RARB: variants seen among roughly 807,000 people sequenced by gnomAD.
RARB encodes HBV-activated protein.
In RARB, 17 loss-of-function variants were observed where a neutral mutation model predicts 51.9. The observed-to-expected ratio is 0.33, with a 90% confidence interval of 0.22 to 0.49. The LOEUF (loss-of-function observed/expected upper bound fraction) is 0.49, where lower values mean the gene tolerates loss of function less well. RARB is among the 20% of genes least tolerant of loss of function. The pLI is 0.99. For synonymous variants in RARB, 215 were observed against 195.4 expected (o/e 1.10, Z -0.84); for missense variants, 369 against 550.8 (o/e 0.67, Z 3.30).
chr3:25,131,188 G>A (rs1037470586), intron 3 of RARB, among the ~76,000 whole-genome samples: 1 of 151,900 alleles, frequency 6.6e-6, no homozygotes, highest in African/African-American at 2.4e-5. Context: ...GCAGAGTGAG[G>A]TGCCTACGGA....
chr3:25,573,662 C>T (rs1700803112), intron 4 of RARB, among the ~76,000 whole-genome samples: 1 of 152,220 alleles, frequency 6.6e-6, no homozygotes, highest in Non-Finnish European at 1.5e-5. Context: ...TCTCTGCAAG[C>T]TCTTAGTTCG....
At chr3:25,194,005 C>CT (rs1308434519) in intron 5 of RARB, among the ~76,000 whole-genome samples, 5 of 151,690 alleles carry the variant, frequency 3.3e-5, no homozygotes, top group African/African-American at 1.2e-4. Flanking sequence ...CGGAAGCAGC[C>CT]TAGGTGTCCA....
chr3:25,168,751 A>G (rs1289127383), intron 4 of RARB, among the ~76,000 whole-genome samples: 1 of 152,242 alleles, frequency 6.6e-6, no homozygotes, highest in African/African-American at 2.4e-5. Context: ...GAGACAATCA[A>G]TTCTGAAGGT....
intron 1 of RARB, among the ~76,000 whole-genome samples, chr3:25,444,525 A>G (rs1373771972): frequency 6.6e-6 from 1 of 152,208 alleles, no homozygotes; most frequent in Admixed American, 6.5e-5. Context: ...AGATGTATAC[A>G]CTTCCAAGTG....
At chr3:25,159,233 G>A (rs1277246079) in intron 4 of RARB, among the ~76,000 whole-genome samples, 2 of 136,200 alleles carry the variant, frequency 1.5e-5, no homozygotes, top group Admixed American at 8.5e-5. Flanking sequence ...GCGCGATCTC[G>A]GCTCACCACA....
chr3:25,511,810 A>T (rs1697909047), intron 3 of RARB, among the ~76,000 whole-genome samples: 1 of 152,124 alleles, frequency 6.6e-6, no homozygotes. Flanking sequence ...CAACTTGAGG[A>T]TGGGAAGGAG....
At chr3:25,495,238 G>A (rs1696965549) in intron 2 of RARB, among the ~76,000 whole-genome samples, 1 of 152,188 alleles carries the variant, frequency 6.6e-6, no homozygotes, top group South Asian at 2.1e-4. Flanking sequence ...AATAGTTTGA[G>A]GGTATCAGAG....
chr3:25,259,445 C>T lies in RARB; in HGVS notation c.178+84870C>T, dbSNP rs565958437. Among the ~76,000 whole-genome samples, 69 of 152,252 alleles carry T rather than the reference C, an allele frequency of 4.5e-4. 1 individual carries two copies. The South Asian group carries it at 0.013, about 30-fold the overall frequency. On this transcript the variant is annotated intron_variant, in intron 5 of 11. Coordinates refer to the RARB transcript ENST00000383772. ...TGTTGACCTGGTGAATAAAAATCTT[C>T]TGTATAATTCTCCATTCTCTCTTCC...
rs1425786594 is a variant in RARB at position 24,860,633 on chromosome 3, A to T, written c.-380+1881A>T. Reference sequence around the variant, plus strand: ...TGAGGCATGCTGATTGAAGAAAAAAACCCTTTACAGAAGAGAGCATTGCAT... The same window carrying T: ...TGAGGCATGCTGATTGAAGAAAAAATCCCTTTACAGAAGAGAGCATTGCAT... On this transcript the variant is annotated intron_variant, in intron 2 of 11. Coordinates refer to the RARB transcript ENST00000383772. Among the ~76,000 whole-genome samples, 4 of 152,114 alleles carry T rather than the reference A, an allele frequency of 2.6e-5. No homozygotes were observed. In the East Asian group the frequency reaches 5.8e-4, roughly 22 times the overall value.
At position 25,315,707 on chromosome 3, in the gene RARB, G is replaced by T. The variant is rs189743384; in HGVS notation, c.178+141132G>T. On this transcript the variant is annotated intron_variant, in intron 5 of 11. Coordinates refer to the RARB transcript ENST00000383772. ...CAGCTCACTGCAACCTCTGCTTCCC[G>T]GGTTAAAGCGATTCTCGTGCCTCAG... Among the ~76,000 whole-genome samples the T allele has an allele frequency of 5.3e-5, 8 of 152,220 alleles. No homozygotes were observed. In the East Asian group the frequency reaches 1.5e-3, roughly 29 times the overall value.
intron 3 of RARB, among the ~76,000 whole-genome samples, chr3:25,513,115 T>TTA (rs750667648): frequency 2.0e-5 from 2 of 98,506 alleles, no homozygotes; most frequent in Non-Finnish European, 4.2e-5. Context: ...CTGTCTTTAC[T>TTA]AAAAAAAAAA....
At chr3:25,239,185 G>C (rs932032356) in intron 5 of RARB, among the ~76,000 whole-genome samples, 2 of 152,094 alleles carry the variant, frequency 1.3e-5, no homozygotes, top group African/African-American at 4.8e-5. Flanking sequence ...TGAGTTCCTT[G>C]TATATTCTGG....
At chr3:25,404,884 C>T (rs974360262) in intron 5 of RARB, among the ~76,000 whole-genome samples, 11 of 152,244 alleles carry the variant, frequency 7.2e-5, no homozygotes, top group East Asian at 1.9e-4. Flanking sequence ...TAAATTTACT[C>T]GCTACTTTTT....
At chr3:25,191,870 A>G (rs1362340602) in intron 5 of RARB, among the ~76,000 whole-genome samples, 1 of 152,130 alleles carries the variant, frequency 6.6e-6, no homozygotes, top group African/African-American at 2.4e-5. Context: ...TACATAGTCA[A>G]GGAATCTTGT....
chr3:25,405,501 C>A (rs979431458), intron 5 of RARB, among the ~76,000 whole-genome samples: 6 of 152,228 alleles, frequency 3.9e-5, no homozygotes, highest in Non-Finnish European at 7.3e-5. Flanking sequence ...CCTCTGCTCT[C>A]ACCTGGCTTG....
intron 4 of RARB, among the ~76,000 whole-genome samples, chr3:25,163,812 C>G (rs1700516883): frequency 6.6e-6 from 1 of 152,000 alleles, no homozygotes; most frequent in Non-Finnish European, 1.5e-5. Flanking sequence ...CTCTATTCCA[C>G]TAAATTCAGT....
At chr3:25,455,717 A>C (rs1019148878) in intron 1 of RARB, among the ~76,000 whole-genome samples, 2 of 152,148 alleles carry the variant, frequency 1.3e-5, no homozygotes, top group African/African-American at 4.8e-5. Context: ...CCAAGCATCC[A>C]TCTCACCCGA....
At chr3:25,006,426 C>CAAA (rs1697273912) in intron 2 of RARB, among the ~76,000 whole-genome samples, 1 of 152,056 alleles carries the variant, frequency 6.6e-6, no homozygotes, top group African/African-American at 2.4e-5. Context: ...CGTTGGCTTT[C>CAAA]AAATAAAGAA....
At chr3:25,188,600 A>T (rs1036147839) in intron 5 of RARB, among the ~76,000 whole-genome samples, 1 of 152,170 alleles carries the variant, frequency 6.6e-6, no homozygotes, top group South Asian at 2.1e-4. Context: ...TGAAAGCGGT[A>T]TCATCTGATA....
Sources: gnomAD v4.1 joint callset for allele counts (sites outside exome capture counted in the v4.1 genomes callset) on GRCh38, gnomAD v4.1.1 for gene constraint, MANE v1.5 for transcripts, NCBI Gene and HGNC (gene_info 2026-07-23, HGNC 2026-07-21) for gene names.